Variants in SPAG1 observed in about 807,000 individuals in gnomAD.
The protein encoded by SPAG1 is sperm-associated antigen 1.
SPAG1 carries 69 observed loss-of-function variants against 100.5 expected under a neutral mutation model. The observed-to-expected ratio is 0.69, with a 90% CI of 0.57 to 0.84. SPAG1 has a LOEUF of 0.84. SPAG1 is among the 40% of genes least tolerant of loss of function. The probability of loss-of-function intolerance (pLI) is 0.00; values close to 1 mark genes in which losing one functional copy is unlikely to be tolerated. For synonymous variants in SPAG1, 336 were observed against 411.6 expected (o/e 0.82, Z 2.22); for missense variants, 955 against 1,133.1 (o/e 0.84, Z 2.26).
intron 8 of SPAG1, among the ~76,000 whole-genome samples, chr8:100,188,290 T>C (rs1343349624): frequency 6.6e-6 from 1 of 152,112 alleles, no homozygotes; most frequent in Admixed American, 6.5e-5. Context: ...TAGCTGGGAC[T>C]ACAAGCACGT....
chr8:100,237,864 C>T (rs2132439601), intron 16 of SPAG1, among the ~76,000 whole-genome samples: 1 of 152,278 alleles, frequency 6.6e-6, no homozygotes, highest in South Asian at 2.1e-4. Context: ...CTATTGACTC[C>T]TAGGGTGCTG....
chr8:100,204,686 G>T (rs1817431127), intron 10 of SPAG1, among the ~76,000 whole-genome samples: 1 of 152,268 alleles, frequency 6.6e-6, no homozygotes, highest in African/African-American at 2.4e-5. Flanking sequence ...ACTTTAGACT[G>T]ACTCATCCCA....
intron 10 of SPAG1, among the ~76,000 whole-genome samples, chr8:100,208,888 T>C (rs1817612529): frequency 6.6e-6 from 1 of 152,152 alleles, no homozygotes; most frequent in Non-Finnish European, 1.5e-5. Flanking sequence ...GAAATGTATA[T>C]GGGTTCAAAT....
rs1337166726 is a variant in SPAG1, at chr8:100,190,367, T to G, written c.833-1023T>G. Among the ~76,000 whole-genome samples, 7 of 152,192 alleles carry G rather than the reference T, an allele frequency of 4.6e-5. No individual in the cohort carries two copies. The East Asian group carries it at 1.3e-3, about 29-fold the overall frequency. ...TCAGAATTACCAAACTTGATTCTTT[T>G]TCAAAGTAATGACTTATTACACAAA... is the stretch of plus-strand genomic sequence containing the variant. On this transcript the variant is annotated intron_variant, in intron 8 of 18. Coordinates refer to ENST00000388798, the MANE Select transcript of SPAG1 (RefSeq NM_003114.5).
In SPAG1 at chr8:100,177,881, A is replaced by T. The variant is rs1392519112; in HGVS notation, c.366A>T (p.Pro122=). ...KMHFHETETF[P]AMKDNLPPVR... is the part of the protein sequence containing the mutation. Reference sequence around the variant, plus strand: ...ACTTTCATGAAACTGAGACATTTCCAGCAATGAAAGATAATTTGCCTCCAG... The same window carrying T: ...ACTTTCATGAAACTGAGACATTTCCTGCAATGAAAGATAATTTGCCTCCAG... Residue 122 remains proline, a synonymous_variant, in exon 4 of 19, where the codon CCA becomes CCT. Coordinates refer to ENST00000388798, the MANE Select transcript of SPAG1 (RefSeq NM_003114.5). 1.2e-6 allele frequency: 2 copies of T among 1,603,826 alleles called. No homozygotes were observed. Among genetic ancestry groups the T allele is most frequent in the Admixed American group, 3.3e-5 (2 of 59,980 alleles).
At chr8:100,166,807 T>C (rs1447406397) in intron 3 of SPAG1, among the ~76,000 whole-genome samples, 1 of 152,126 alleles carries the variant, frequency 6.6e-6, no homozygotes, top group Non-Finnish European at 1.5e-5. Context: ...TTCAGGAGGC[T>C]GAGACAGGAG....
intron 10 of SPAG1, among the ~76,000 whole-genome samples, chr8:100,204,156 A>G (rs776192412): frequency 6.6e-6 from 1 of 152,262 alleles, no homozygotes; most frequent in East Asian, 1.9e-4. Flanking sequence ...CTGACGCAAC[A>G]GTGATGGCCT....
intron 1 of SPAG1, among the ~76,000 whole-genome samples, chr8:100,161,283 A>G (rs1315116207): frequency 6.6e-6 from 1 of 152,206 alleles, no homozygotes; most frequent in Non-Finnish European, 1.5e-5. Context: ...GTCAGGCTGC[A>G]GTGACCCACG....
intron 14 of SPAG1, among the ~76,000 whole-genome samples, chr8:100,227,147 G>A (rs955750751): frequency 1.3e-5 from 2 of 152,294 alleles, no homozygotes; most frequent in South Asian, 2.1e-4. Flanking sequence ...GACAAATTTC[G>A]CAGAATGTAT....
chr8:100,210,277 T>C (rs1004459581), intron 10 of SPAG1, among the ~76,000 whole-genome samples: 12 of 152,198 alleles, frequency 7.9e-5, no homozygotes, highest in African/African-American at 2.4e-4. Context: ...TGCAATTCTT[T>C]ACTTTTTCTG....
At chr8:100,172,634 A>ATGTGTGTGTGTGTGTGTGTGTGTG (rs60155004) in intron 3 of SPAG1, among the ~76,000 whole-genome samples, 1 of 145,460 alleles carries the variant, frequency 6.9e-6, no homozygotes. Flanking sequence ...AAAGAAATAT[A>ATGTGTGTGTGTGTGTGTGTGTGTG]TGTGTGTGTG....
intron 10 of SPAG1, 139 bp downstream of exon 10, chr8:100,194,407 G>A (rs749886154): frequency 3.0e-5 from 37 of 1,250,676 alleles, no homozygotes; most frequent in South Asian, 4.2e-5. Flanking sequence ...AGCCAGTTTC[G>A]CTCATCTTTT....
intron 8 of SPAG1, among the ~76,000 whole-genome samples, chr8:100,189,106 C>T (rs1816703636): frequency 6.6e-6 from 1 of 150,394 alleles, no homozygotes. Flanking sequence ...CCGAGGTGGG[C>T]AGATCACCTG....
At chr8:100,233,608 T>A (rs765750550) in intron 16 of SPAG1, 71 bp downstream of exon 16, 53 of 1,435,980 alleles carry the variant, frequency 3.7e-5, no homozygotes, top group Non-Finnish European at 5.0e-5. Flanking sequence ...CAAGCATAAA[T>A]CTCCAGATCT....
chr8:100,241,067 G>A lies in SPAG1; in HGVS notation c.*45G>A. Reference sequence around the variant, plus strand: ...TTCTTCCATGCATGTATGTGTTCCAGGAATGTTAATGAGATGGTATTGTAA... The same window carrying A: ...TTCTTCCATGCATGTATGTGTTCCAAGAATGTTAATGAGATGGTATTGTAA... On this transcript the variant is annotated 3_prime_UTR_variant, in exon 19 of 19. Transcript: ENST00000388798. This position sits in a 1 kb window ranked among gnomAD's most constrained non-coding sequence, Gnocchi z 5.1. 6.3e-7 allele frequency: 1 copy of A among 1,591,426 alleles called. No homozygotes were observed. The highest frequency in any genetic ancestry group is 8.6e-7 in the Non-Finnish European group (1 of 1,168,350).
intron 14 of SPAG1, among the ~76,000 whole-genome samples, chr8:100,227,737 G>A (rs1007266766): frequency 6.6e-6 from 1 of 151,902 alleles, no homozygotes; most frequent in Admixed American, 6.6e-5. Flanking sequence ...GACACTGGAG[G>A]ATAAAAGCTT....
chr8:100,191,370 T>C lies in SPAG1; in HGVS notation c.833-20T>C, dbSNP rs187175886. The C allele has an allele frequency of 1.8e-4, 280 of 1,561,514 alleles. No homozygotes were observed. The African/African-American group carries it at 3.3e-3, about 18-fold the overall frequency. ...TGCCACATATTAAAAAACATAACTT[T>C]TATATTGGTAAATTTTCAGCTCTTC... is the stretch of plus-strand genomic sequence containing the variant. On this transcript the variant is annotated intron_variant, in intron 8 of 18. Transcript: ENST00000388798.
At chr8:100,182,176 A>G (rs1816395060) in intron 4 of SPAG1, among the ~76,000 whole-genome samples, 1 of 152,228 alleles carries the variant, frequency 6.6e-6, no homozygotes, top group Non-Finnish European at 1.5e-5. Flanking sequence ...CTTATCTAGC[A>G]AAAAATTGTA....
In SPAG1 at chr8:100,213,325, C is replaced by A. The variant is rs564204622; in HGVS notation, c.1332C>A (p.Asn444Lys). The part of the protein sequence containing the change: ...GHPGGGQGAE[N>K]PAGLKSQGNE... The stretch of plus-strand genomic sequence containing the variant: ...CGGGCGGCGGGCAGGGCGCGGAGAA[C>A]CCTGCCGGCCTGAAGAGCCAGGGCA... The change falls in exon 11 of 19, where the codon AAC becomes AAA. Residue 444 changes from asparagine (N) to lysine (K), a missense_variant. Transcript: ENST00000388798. 18 of 1,275,752 alleles carry A rather than the reference C, an allele frequency of 1.4e-5. No individual in the cohort carries two copies. The South Asian group carries it at 2.7e-4, about 19-fold the overall frequency. The allele number at this position is 1,275,752 out of a possible 1,614,324, so 79.0% of individuals were successfully genotyped here.
Sources: gnomAD v4.1 joint callset for allele counts (sites outside exome capture counted in the v4.1 genomes callset) on GRCh38, gnomAD v4.1.1 for gene constraint, Gnocchi (gnomAD v3.1) non-coding constraint, MANE v1.5 for transcripts, NCBI Gene and HGNC (gene_info 2026-07-23, HGNC 2026-07-21) for gene names.